The following DCAF8L2 variants were observed in gnomAD, a reference collection of about 807,000 sequenced individuals.
DCAF8L2 encodes DDB1 and CUL4 associated factor 8 like 2, also known as DDB1- and CUL4-associated factor 8-like protein 2.
For synonymous variants in DCAF8L2, 200 were observed against 190.9 expected, an observed-to-expected ratio of 1.05 and a Z score of -0.39; for missense variants, 430 against 490.7, an observed-to-expected ratio of 0.88 and a Z score of 1.17.
intron 1 of DCAF8L2, among the ~76,000 whole-genome samples, chrX:27,615,514 A>G (rs1039821522): frequency 2.5e-5 from 2 of 79,921 alleles, no homozygotes; most frequent in Non-Finnish European, 4.4e-5. Context: ...AAATAATAGT[A>G]GATTCTATCA....
chrX:27,712,996 C>T (rs1034367758), intron 3 of DCAF8L2, among the ~76,000 whole-genome samples: 3 of 111,331 alleles, frequency 2.7e-5, no homozygotes, highest in African/African-American at 6.5e-5. Flanking sequence ...CAGTGAAATC[C>T]CTATTTATGA....
At chrX:27,589,810 C>T (rs1198906729), upstream of DCAF8L2, among the ~76,000 whole-genome samples, 49 of 112,098 alleles carry the variant, frequency 4.4e-4, no homozygotes, top group Non-Finnish European at 9.4e-5. Context: ...TTGATTCTTA[C>T]TCCTTTCCCC....
chrX:27,639,247 C>T (rs988583647), intron 2 of DCAF8L2, among the ~76,000 whole-genome samples: 2 of 111,617 alleles, frequency 1.8e-5, no homozygotes, highest in Middle Eastern at 4.6e-3. Flanking sequence ...AACAACTGAA[C>T]TCATGGACAT....
chrX:27,609,887 C>T (rs1927078809), intron 1 of DCAF8L2, among the ~76,000 whole-genome samples: 1 of 111,318 alleles, frequency 9.0e-6, no homozygotes. Flanking sequence ...TCAATTCTGC[C>T]TCTATCAACA....
chrX:27,664,331 T>C (rs1220150234), intron 2 of DCAF8L2, among the ~76,000 whole-genome samples: 1 of 111,911 alleles, frequency 8.9e-6, no homozygotes, highest in Non-Finnish European at 1.9e-5. Flanking sequence ...GCAACATTCC[T>C]TTAAGCCAAA....
In DCAF8L2 at chrX:27,606,250, T is replaced by TTATA. The variant is rs760094249; in HGVS notation, c.-342+15825_-342+15828dup. On this transcript the variant is annotated intron_variant, in intron 1 of 4. Transcript: ENST00000451261. ...ATACAAATATATATATATATAGGAATTATATATATATATATATAGGAATTA... is the reference window on the plus strand; with the variant it reads ...ATACAAATATATATATATATAGGAATTATATATATATATATATATATAGGAATTA... Among the ~76,000 whole-genome samples, 387 of 84,256 alleles carry TTATA rather than the reference T, an allele frequency of 4.6e-3. 1 individual carries two copies. The highest frequency in any genetic ancestry group is 7.0e-3 in the Non-Finnish European group (315 of 44,733). The allele number at this position is 84,256 out of a possible 115,157, so 73.2% of individuals were successfully genotyped here. A position where few individuals can be genotyped will look rare whatever the true frequency, so the allele number is the denominator to read the frequency against.
chrX:27,741,329 G>A (rs1047194176), intron 4 of DCAF8L2, among the ~76,000 whole-genome samples: 10 of 110,453 alleles, frequency 9.1e-5, no homozygotes, highest in African/African-American at 3.0e-4. Flanking sequence ...AGCCACTGCC[G>A]CTCTCCCTCT....
At chrX:27,556,661 TAAAG>T in the DCAF8L2 span, among the ~76,000 whole-genome samples, 1 of 111,905 alleles carries the variant, frequency 8.9e-6, no homozygotes, top group African/African-American at 3.2e-5. Flanking sequence ...AAGAACATGA[TAAAG>T]AGTCGAAGAC....
chrX:27,517,960 C>G, the DCAF8L2 span: 2 of 1,195,197 alleles, frequency 1.7e-6, no homozygotes, highest in South Asian at 1.8e-5. Flanking sequence ...TTTTTTTGGG[C>G]TGCAGTATGT....
chrX:27,567,565 A>ATG, the DCAF8L2 span, among the ~76,000 whole-genome samples: 1 of 90,044 alleles, frequency 1.1e-5, no homozygotes, highest in Non-Finnish European at 2.2e-5. Context: ...ATATATATAT[A>ATG]TATATATATA....
chrX:27,547,891 T>TCTCTCTTTCTCTCTC, the DCAF8L2 span, among the ~76,000 whole-genome samples: 2 of 57,194 alleles, frequency 3.5e-5, no homozygotes, highest in Admixed American at 4.5e-4. Context: ...CTCTCTCTCT[T>TCTCTCTTTCTCTCTC]TCTCTCTCTC....
chrX:27,720,084 G>GT (rs58197195), intron 4 of DCAF8L2, among the ~76,000 whole-genome samples: 10,028 of 107,439 alleles, frequency 0.093, 786 homozygotes, highest in African/African-American at 0.26. Flanking sequence ...TGAGTCAAGG[G>GT]TTTTTTTTTA....
At chrX:27,590,991 T>TTTTATATATATATA (rs761150025) in intron 1 of DCAF8L2, among the ~76,000 whole-genome samples, 8 of 68,062 alleles carry the variant, frequency 1.2e-4, no homozygotes, top group Admixed American at 7.9e-4. Context: ...CCTTTACATT[T>TTTTATATATATATA]TATATATATA....
At chrX:27,712,257 T>A (rs986827385) in intron 3 of DCAF8L2, among the ~76,000 whole-genome samples, 6 of 111,757 alleles carry the variant, frequency 5.4e-5, no homozygotes, top group African/African-American at 1.9e-4. Flanking sequence ...GGGGTCTAAG[T>A]TTCCTGGTTC....
At chrX:27,705,597 GA>G (rs756561614) in intron 3 of DCAF8L2, among the ~76,000 whole-genome samples, 94 of 111,240 alleles carry the variant, frequency 8.5e-4, no homozygotes, top group South Asian at 3.0e-3. Flanking sequence ...GTCTTCTTTT[GA>G]AAAGTGTGTT....
the DCAF8L2 span, among the ~76,000 whole-genome samples, chrX:27,569,390 T>C: frequency 8.9e-6 from 1 of 111,940 alleles, no homozygotes; most frequent in East Asian, 2.8e-4. Flanking sequence ...TGAATCTGAG[T>C]CCCAACAGGA....
chrX:27,634,957 T>TACACACACACACACACACAC (rs571012816), intron 2 of DCAF8L2, among the ~76,000 whole-genome samples: 2 of 99,569 alleles, frequency 2.0e-5, no homozygotes, highest in African/African-American at 7.6e-5. Flanking sequence ...ACCATGTATA[T>TACACACACACACACACACAC]ACACACACAC....
chrX:27,514,680 A>C, the DCAF8L2 span, among the ~76,000 whole-genome samples: 2 of 86,353 alleles, frequency 2.3e-5, no homozygotes, highest in African/African-American at 9.9e-5. Flanking sequence ...AAAAAAAAAA[A>C]AAAAAAAAAA....
intron 2 of DCAF8L2, among the ~76,000 whole-genome samples, chrX:27,641,158 C>T (rs1362527933): frequency 9.0e-6 from 1 of 111,720 alleles, no homozygotes; most frequent in African/African-American, 3.2e-5. Context: ...TATTTACTCA[C>T]ATACTTACCA....
Sources: allele counts gnomAD v4.1 joint callset (sites outside exome capture counted in the v4.1 genomes callset), GRCh38; gene constraint gnomAD v4.1.1; transcripts MANE v1.5; gene names NCBI Gene and HGNC (gene_info 2026-07-23, HGNC 2026-07-21).